PTPRD: variants seen among roughly 807,000 people sequenced by gnomAD.
PTPRD encodes receptor-type tyrosine-protein phosphatase delta.
A neutral mutation model predicts 214.5 loss-of-function variants in PTPRD; 34 were observed. The observed-to-expected ratio is 0.16, with a 90% CI of 0.12 to 0.21. PTPRD has a LOEUF of 0.21. Among genes scored for constraint, PTPRD ranks in the 10% least tolerant of loss-of-function variants. The pLI, the probability that PTPRD is intolerant of heterozygous loss-of-function variation, is 1.00. For synonymous variants in PTPRD, 1,128 were observed against 845.7 expected (o/e 1.33, Z -5.79); for missense variants, 2,545 against 2,398.7 (o/e 1.06, Z -1.27).
At chr9:9,254,213 C>T (rs2099976738) in intron 9 of PTPRD, among the ~76,000 whole-genome samples, 1 of 152,004 alleles carries the variant, frequency 6.6e-6, no homozygotes, top group African/African-American at 2.4e-5. Flanking sequence ...GGGCGGGGCA[C>T]CATTCAGCCA....
At chr9:9,079,362 T>C (rs1275598504) in intron 10 of PTPRD, among the ~76,000 whole-genome samples, 1 of 152,144 alleles carries the variant, frequency 6.6e-6, no homozygotes, top group Non-Finnish European at 1.5e-5. Context: ...CCATCTATGT[T>C]GCCATACATG....
At chr9:8,379,788 T>A (rs1011581668) in intron 37 of PTPRD, among the ~76,000 whole-genome samples, 2 of 152,164 alleles carry the variant, frequency 1.3e-5, no homozygotes, top group Non-Finnish European at 2.9e-5. Context: ...TGAATACGAA[T>A]ACGGTTTTTT....
At chr9:9,122,627 T>A (rs1460727004) in intron 10 of PTPRD, among the ~76,000 whole-genome samples, 2 of 152,216 alleles carry the variant, frequency 1.3e-5, no homozygotes, top group African/African-American at 4.8e-5. Context: ...TGAAATGCTA[T>A]GACACTTGCC....
At chr9:10,173,507 A>C (rs2099225164) in intron 3 of PTPRD, among the ~76,000 whole-genome samples, 1 of 152,152 alleles carries the variant, frequency 6.6e-6, no homozygotes, top group Non-Finnish European at 1.5e-5. Context: ...CCAGAAGGAT[A>C]ATGTCCCCAA....
chr9:8,567,241 C>G (rs1386080955), intron 14 of PTPRD, among the ~76,000 whole-genome samples: 1 of 152,162 alleles, frequency 6.6e-6, no homozygotes, highest in Non-Finnish European at 1.5e-5. Flanking sequence ...CAAGGCTGCT[C>G]TTATTTTTCA....
chr9:9,662,398 A>G (rs1472510678), intron 7 of PTPRD, among the ~76,000 whole-genome samples: 2 of 151,696 alleles, frequency 1.3e-5, no homozygotes, highest in Non-Finnish European at 3.0e-5. Context: ...TTTGTGCCAC[A>G]TAACTGCTAT....
At chr9:9,957,673 G>C (rs2094038255) in intron 4 of PTPRD, among the ~76,000 whole-genome samples, 1 of 151,900 alleles carries the variant, frequency 6.6e-6, no homozygotes, top group Non-Finnish European at 1.5e-5. Flanking sequence ...CACAATATTA[G>C]TGATACTGAC....
chr9:10,401,998 T>A (rs575178697), intron 2 of PTPRD, among the ~76,000 whole-genome samples: 84 of 151,346 alleles, frequency 5.6e-4, no homozygotes, highest in African/African-American at 1.9e-3. Context: ...AAACACCCTA[T>A]AAGAAATCCA....
intron 4 of PTPRD, among the ~76,000 whole-genome samples, chr9:9,998,983 G>A (rs185343905): frequency 1.3e-5 from 2 of 152,188 alleles, no homozygotes; most frequent in East Asian, 1.9e-4. Flanking sequence ...TGCATTGCAG[G>A]GGACATCGAA....
intron 9 of PTPRD, among the ~76,000 whole-genome samples, chr9:9,263,076 T>C (rs2099980844): frequency 6.6e-6 from 1 of 151,662 alleles, no homozygotes; most frequent in South Asian, 2.1e-4. Flanking sequence ...AAAAAATTAA[T>C]TTATCATGAA....
intron 9 of PTPRD, among the ~76,000 whole-genome samples, chr9:9,331,000 G>C (rs931740153): frequency 3.9e-4 from 59 of 151,310 alleles, no homozygotes; most frequent in African/African-American, 1.4e-3. Context: ...GAGTAAATCT[G>C]GTCATTTGGT....
chr9:9,328,594 C>T (rs1386258879), intron 9 of PTPRD, among the ~76,000 whole-genome samples: 3 of 105,580 alleles, frequency 2.8e-5, no homozygotes, highest in Admixed American at 9.3e-5. Context: ...TTTTTGATCA[C>T]ATTTTCTTTT....
At chr9:8,657,331 C>A (rs1017000842) in intron 12 of PTPRD, among the ~76,000 whole-genome samples, 2 of 151,972 alleles carry the variant, frequency 1.3e-5, no homozygotes, top group Admixed American at 1.3e-4. Context: ...CCATACCCAC[C>A]TAATTTTTTG....
chr9:10,496,748 T>C (rs931274182), intron 2 of PTPRD, among the ~76,000 whole-genome samples: 3 of 152,092 alleles, frequency 2.0e-5, no homozygotes, highest in African/African-American at 4.8e-5. Flanking sequence ...GCTGCTTGTA[T>C]ATCTTCTTTT....
At chr9:10,094,903 G>A (rs946896969) in intron 3 of PTPRD, among the ~76,000 whole-genome samples, 6 of 151,382 alleles carry the variant, frequency 4.0e-5, no homozygotes, top group African/African-American at 1.5e-4. Context: ...TCAAAAGCAA[G>A]AATATTAGCA....
chr9:9,341,480 CATT>C (rs1161799962), intron 9 of PTPRD, among the ~76,000 whole-genome samples: 1 of 152,118 alleles, frequency 6.6e-6, no homozygotes, highest in Non-Finnish European at 1.5e-5. Flanking sequence ...CAGACACAGA[CATT>C]AGTAGCCTGG....
chr9:10,393,633 A>C (rs576808950), intron 2 of PTPRD, among the ~76,000 whole-genome samples: 21 of 148,948 alleles, frequency 1.4e-4, no homozygotes, highest in African/African-American at 5.1e-4. Flanking sequence ...CTTATTCTGC[A>C]AGTATATATA....
At chr9:9,206,575 G>C (rs1314812036) in intron 9 of PTPRD, among the ~76,000 whole-genome samples, 1 of 152,154 alleles carries the variant, frequency 6.6e-6, no homozygotes, top group East Asian at 1.9e-4. Flanking sequence ...CCCTCAATGT[G>C]GGTGGGCACC....
chr9:9,649,456 A>G (rs1235087965), intron 7 of PTPRD, among the ~76,000 whole-genome samples: 6 of 152,230 alleles, frequency 3.9e-5, no homozygotes, highest in Non-Finnish European at 8.8e-5. Context: ...ATGGAAAGAA[A>G]CACTGGGAAA....
Sources: allele counts gnomAD v4.1 joint callset (sites outside exome capture counted in the v4.1 genomes callset), GRCh38; gene constraint gnomAD v4.1.1; transcripts MANE v1.5; gene names NCBI Gene and HGNC (gene_info 2026-07-23, HGNC 2026-07-21).